Variants in HHLA1 observed in about 807,000 individuals in gnomAD.
HHLA1 encodes the protein HHLA1 neighbor of OC90.
A neutral mutation model predicts 69.9 loss-of-function variants in HHLA1; 72 were observed. The ratio of observed to expected loss-of-function variants is 1.03; its 90% CI spans 0.85 to 1.25. HHLA1 has a LOEUF of 1.25. HHLA1 is among the 50% of genes most tolerant of loss of function. HHLA1 has a pLI of 0.00. For synonymous variants in HHLA1, 252 were observed against 233.2 expected (o/e 1.08, Z -0.73); for missense variants, 685 against 642.2 (o/e 1.07, Z -0.72).
At chr8:132,098,731 A>T in intron 5 of HHLA1, 151 bp downstream of exon 5, 1 of 584,686 alleles carries the variant, frequency 1.7e-6, no homozygotes, top group Non-Finnish European at 3.0e-6. Flanking sequence ...TACAGGCGTG[A>T]GACACTGAGC....
chr8:132,076,265 A>C (rs1208066840), intron 13 of HHLA1, 136 bp from the exon 14 acceptor site: 5 of 772,260 alleles, frequency 6.5e-6, no homozygotes, highest in Non-Finnish European at 1.1e-5. Flanking sequence ...AAAAAGGGGA[A>C]GTGATTTATG....
chr8:132,099,951 A>G, intron 4 of HHLA1, 124 bp downstream of exon 4: 2 of 681,516 alleles, frequency 2.9e-6, no homozygotes, highest in Non-Finnish European at 5.2e-6. Context: ...CTTTTACTTA[A>G]TGATCAGATA....
chr8:132,096,587 C>A (rs1824030101), intron 5 of HHLA1, among the ~76,000 whole-genome samples: 1 of 152,120 alleles, frequency 6.6e-6, no homozygotes, highest in South Asian at 2.1e-4. Context: ...TATCTACTCT[C>A]CATCAGTGCC....
At chr8:132,076,584 A>G in intron 12 of HHLA1, 41 bp from the exon 13 acceptor site, 2 of 1,373,388 alleles carry the variant, frequency 1.5e-6, no homozygotes, top group Non-Finnish European at 1.9e-6. Context: ...CATCTCTTCT[A>G]GGGGGCCCTG....
At chr8:132,110,186 GA>G (rs1282487228) in intron 1 of HHLA1, among the ~76,000 whole-genome samples, 1 of 152,196 alleles carries the variant, frequency 6.6e-6, no homozygotes, top group Non-Finnish European at 1.5e-5. Context: ...TGGAGAGGTG[GA>G]AATACACACT....
chr8:132,101,329 G>A (rs1824107152), intron 3 of HHLA1: 2 of 1,528,880 alleles, frequency 1.3e-6, no homozygotes, highest in South Asian at 1.2e-5. Flanking sequence ...GCCTCAAACA[G>A]TTCATAACAT....
Position 132,079,868 on chromosome 8 carries a change from GTGTGCTC to G in HHLA1, c.768_774del (p.Gln256HisfsTer7). On this transcript the variant is annotated frameshift_variant, in exon 11 of 17. Transcript: ENST00000414222. LOFTEE classifies it high-confidence loss of function. ...GAGGATCTCAGAGCAGATGCCCAGG[GTGTGCTC>G]TGGGTCCAGTGTCCGGGGCTTGTAC... The G allele has an allele frequency of 1.3e-6, 2 of 1,552,040 alleles. No individual in the cohort carries two copies. The highest frequency in any genetic ancestry group is 1.7e-6 in the Non-Finnish European group (2 of 1,147,054).
chr8:132,073,725 T>G (rs993694747), intron 14 of HHLA1, among the ~76,000 whole-genome samples: 8 of 152,084 alleles, frequency 5.3e-5, no homozygotes, highest in African/African-American at 1.9e-4. Flanking sequence ...CATCCATCCT[T>G]CTCTAACTCA....
chr8:132,082,969 G>A (rs9801771), intron 10 of HHLA1, among the ~76,000 whole-genome samples: 116,052 of 147,224 alleles, frequency 0.79, 46,391 homozygotes, highest in South Asian at 0.9. Context: ...AGCGTGCTGT[G>A]GGATGGGATA....
In HHLA1 at chr8:132,105,242, AC is replaced by A. The variant is rs1300549240; in HGVS notation, c.23del (p.Gly8ValfsTer4). 2 of 1,552,066 alleles carry A rather than the reference AC, an allele frequency of 1.3e-6. No individual in the cohort carries two copies. The highest frequency in any genetic ancestry group is 1.7e-6 in the Non-Finnish European group (2 of 1,147,074). On this transcript the variant is annotated frameshift_variant, in exon 2 of 17. Transcript: ENST00000414222. LOFTEE classifies it high-confidence loss of function. The part of the protein sequence containing the change: MLGFLSR[G>X]PSMKLCMGLA... ...GGCCCATGCACAGCTTCATTGAAGG[AC>A]CACGTGACAGGAAGCCCAGCATGCT...
intron 14 of HHLA1, among the ~76,000 whole-genome samples, chr8:132,074,684 GTAGA>G (rs1382309291): frequency 3.3e-5 from 5 of 152,232 alleles, no homozygotes; most frequent in South Asian, 2.1e-4. Context: ...CATTACATAG[GTAGA>G]TAGATAGATG....
At chr8:132,104,923 A>T (rs181585409) in intron 2 of HHLA1, among the ~76,000 whole-genome samples, 14 of 152,342 alleles carry the variant, frequency 9.2e-5, no homozygotes, top group African/African-American at 2.6e-4. Context: ...TGGTTTGGAA[A>T]GCTGTCTCAT....
intron 10 of HHLA1, among the ~76,000 whole-genome samples, chr8:132,086,840 C>T (rs1586730379): frequency 1.3e-5 from 2 of 151,780 alleles, no homozygotes; most frequent in South Asian, 4.2e-4. Context: ...CAAAGTAGCC[C>T]CTGAAGTGGA....
intron 1 of HHLA1, among the ~76,000 whole-genome samples, chr8:132,109,174 T>G (rs1450239920): frequency 6.6e-6 from 1 of 152,154 alleles, no homozygotes; most frequent in South Asian, 2.1e-4. Context: ...GCCAGGCCAA[T>G]TTTTGTATTT....
intron 7 of HHLA1, among the ~76,000 whole-genome samples, chr8:132,094,530 G>A (rs183165068): frequency 3.3e-5 from 5 of 152,184 alleles, no homozygotes; most frequent in Admixed American, 2.6e-4. Flanking sequence ...CCTTTGTCTG[G>A]ACCACTGTCC....
chr8:132,109,071 G>A (rs1217180545), intron 1 of HHLA1, among the ~76,000 whole-genome samples: 1 of 152,158 alleles, frequency 6.6e-6, no homozygotes, highest in Non-Finnish European at 1.5e-5. Context: ...GCAGTGGCAC[G>A]ATCTCGGCAT....
chr8:132,073,055 C>A (rs547673409), intron 14 of HHLA1, among the ~76,000 whole-genome samples: 4 of 152,314 alleles, frequency 2.6e-5, no homozygotes, highest in Admixed American at 6.5e-5. Flanking sequence ...TCAATAATAT[C>A]TTTGACATGT....
In HHLA1 at chr8:132,061,485, T is replaced by C. The variant is rs778219620; in HGVS notation, c.*2510A>G. On this transcript the variant is annotated 3_prime_UTR_variant, in exon 17 of 17. Transcript: ENST00000414222. ...AACAGAAATGTGCCTGCACCTTTGCTACCTGGAAGAATGAAGTTTAATGAC... is the reference window on the plus strand; with the variant it reads ...AACAGAAATGTGCCTGCACCTTTGCCACCTGGAAGAATGAAGTTTAATGAC... 8 of 152,202 alleles carry C rather than the reference T, an allele frequency of 5.3e-5. No homozygotes were observed. The highest frequency in any genetic ancestry group is 7.3e-5 in the Non-Finnish European group (5 of 68,054). 9.4% of individuals were successfully genotyped at this position (152,202 alleles called of 1,614,324 possible).
At chr8:132,098,164 G>A (rs1824052454) in intron 5 of HHLA1, among the ~76,000 whole-genome samples, 1 of 152,208 alleles carries the variant, frequency 6.6e-6, no homozygotes, top group Non-Finnish European at 1.5e-5. Context: ...AAATAGTGAA[G>A]GCAGTGAGGA....
Sources: gnomAD v4.1 joint callset for allele counts (sites outside exome capture counted in the v4.1 genomes callset) on GRCh38, gnomAD v4.1.1 for gene constraint, MANE v1.5 for transcripts, NCBI Gene and HGNC (gene_info 2026-07-23, HGNC 2026-07-21) for gene names.